Variants in SEMA3C observed in about 807,000 individuals in gnomAD.
SEMA3C encodes semaphorin 3C.
Under a neutral mutation model 89.4 loss-of-function variants are expected in SEMA3C, and 47 were observed. That is an observed-to-expected ratio of 0.53 (90% CI 0.42 to 0.67). The LOEUF (loss-of-function observed/expected upper bound fraction) is 0.67, where lower values mean the gene tolerates loss of function less well. Among genes scored for constraint, SEMA3C ranks in the 30% least tolerant of loss-of-function variants. SEMA3C has a pLI of 0.00. For synonymous variants in SEMA3C, 310 were observed against 320.2 expected (o/e 0.97, Z 0.34); for missense variants, 839 against 929.1 (o/e 0.90, Z 1.26).
intron 2 of SEMA3C, among the ~76,000 whole-genome samples, chr7:80,911,068 C>G (rs1439975443): frequency 6.6e-6 from 1 of 151,910 alleles, no homozygotes; most frequent in East Asian, 1.9e-4. Flanking sequence ...TCATCTTCAC[C>G]TTGATGAATC....
At chr7:80,822,768 T>C (rs961301436) in intron 4 of SEMA3C, among the ~76,000 whole-genome samples, 1 of 152,204 alleles carries the variant, frequency 6.6e-6, no homozygotes, top group African/African-American at 2.4e-5. Context: ...AATAAAGCAG[T>C]AGAAATCATA....
At chr7:80,908,386 G>T (rs149745923) in intron 2 of SEMA3C, among the ~76,000 whole-genome samples, 27 of 152,200 alleles carry the variant, frequency 1.8e-4, no homozygotes, top group Admixed American at 8.5e-4. Context: ...AAAGAGAAAA[G>T]GTCTTTTCTA....
intron 15 of SEMA3C, among the ~76,000 whole-genome samples, chr7:80,757,489 C>G: frequency 6.6e-6 from 1 of 152,166 alleles, no homozygotes; most frequent in East Asian, 1.9e-4. Context: ...CTCACCACTC[C>G]AAGGATAAAG....
In SEMA3C at chr7:80,786,438, C is replaced by T. The variant is rs1020686941; in HGVS notation, c.1354+2868G>A. On this transcript the variant is annotated intron_variant, in intron 12 of 17. Transcript: ENST00000265361. ...ACCAACTTGGCTGTGGCATCAAAGTCCACCTTTAAGACAGGCTTCACAAGA... is the reference window on the plus strand; with the variant it reads ...ACCAACTTGGCTGTGGCATCAAAGTTCACCTTTAAGACAGGCTTCACAAGA... 6.0e-5 allele frequency among the ~76,000 whole-genome samples: 9 copies of T among 149,868 alleles called. No individual in the cohort carries two copies. In the South Asian group the frequency reaches 6.3e-4, roughly 11 times the overall value.
At chr7:80,903,580 T>G (rs994615407) in intron 2 of SEMA3C, among the ~76,000 whole-genome samples, 3 of 152,154 alleles carry the variant, frequency 2.0e-5, no homozygotes, top group Admixed American at 1.3e-4. Context: ...GAGAATCACT[T>G]GAACCCAGGA....
At chr7:80,812,074 T>C (rs150999982) in intron 5 of SEMA3C, among the ~76,000 whole-genome samples, 34 of 152,352 alleles carry the variant, frequency 2.2e-4, no homozygotes, top group African/African-American at 8.2e-4. Flanking sequence ...ATATTTGTGA[T>C]AATCAATCAC....
chr7:80,839,196 C>T (rs1249880976), intron 2 of SEMA3C, among the ~76,000 whole-genome samples: 1 of 152,298 alleles, frequency 6.6e-6, no homozygotes, highest in Non-Finnish European at 1.5e-5. Flanking sequence ...AAGGACAACA[C>T]AGATGAGCTA....
In SEMA3C at chr7:80,763,470, C is replaced by A. The variant is rs141108736; in HGVS notation, c.1443+1685G>T. ...AAAACTCAGACTTTTTTTGGTGTCT[C>A]ATGGGCTGATGTCCCCCACGTGCAT... On this transcript the variant is annotated intron_variant, in intron 13 of 17. Coordinates refer to ENST00000265361, the MANE Select transcript of SEMA3C (RefSeq NM_006379.5). Among the ~76,000 whole-genome samples the A allele has an allele frequency of 3.3e-5, 5 of 152,244 alleles. No individual in the cohort carries two copies. The East Asian group carries it at 9.7e-4, about 29-fold the overall frequency.
At chr7:80,837,765 T>C (rs1790166953) in intron 2 of SEMA3C, among the ~76,000 whole-genome samples, 1 of 152,200 alleles carries the variant, frequency 6.6e-6, no homozygotes, top group Admixed American at 6.5e-5. Flanking sequence ...CTCGATCCTT[T>C]AGACAAAGTC....
intron 2 of SEMA3C, among the ~76,000 whole-genome samples, chr7:80,897,877 A>C (rs1791777560): frequency 6.6e-6 from 1 of 152,234 alleles, no homozygotes; most frequent in Admixed American, 6.5e-5. Context: ...ACATTGGAAT[A>C]AATACATAAT....
chr7:80,754,963 T>TG lies in SEMA3C; in HGVS notation c.1643+3367_1643+3368insC, dbSNP rs1554359497. 5.3e-4 allele frequency among the ~76,000 whole-genome samples: 69 copies of TG among 131,164 alleles called. 1 individual carries two copies. The East Asian group carries it at 0.014, about 27-fold the overall frequency. 86.0% of individuals were successfully genotyped at this position (131,164 alleles called of 152,430 possible). On this transcript the variant is annotated intron_variant, in intron 15 of 17. Transcript: ENST00000265361. ...TGGCGAATTGTTTTTTTTTGTTTTT[T>TG]TTTTTTTTGTATTTTTAGTAGAGAT...
intron 2 of SEMA3C, among the ~76,000 whole-genome samples, chr7:80,896,261 T>C (rs1791735302): frequency 6.6e-6 from 1 of 152,146 alleles, no homozygotes; most frequent in Non-Finnish European, 1.5e-5. Flanking sequence ...AAACTGAAAA[T>C]GCTTCAAACC....
intron 4 of SEMA3C, among the ~76,000 whole-genome samples, chr7:80,819,193 T>C (rs1007860575): frequency 2.0e-5 from 3 of 146,510 alleles, no homozygotes; most frequent in Non-Finnish European, 4.6e-5. Context: ...TGCTCCATTT[T>C]TTTATTGTTA....
Position 80,751,124 on chromosome 7 carries a change from T to C in SEMA3C, c.1711+145A>G, listed in dbSNP as rs377611499. On this transcript the variant is annotated intron_variant, in intron 16 of 17. Transcript: ENST00000265361. ...ATACAAAAAGCCTTTAAGTTTTAAT[T>C]ACCCTATATAAATACCCAGAATTGT... 164 of 597,686 alleles carry C rather than the reference T, an allele frequency of 2.7e-4. 1 individual carries two copies. Among genetic ancestry groups the C allele is most frequent in the African/African-American group, 2.4e-3 (128 of 53,944 alleles). 37.0% of individuals were successfully genotyped at this position (597,686 alleles called of 1,614,324 possible). A position where few individuals can be genotyped will look rare whatever the true frequency, so the allele number is the denominator to read the frequency against.
At chr7:80,747,877 C>T (rs191349201) in intron 17 of SEMA3C, among the ~76,000 whole-genome samples, 1 of 152,092 alleles carries the variant, frequency 6.6e-6, no homozygotes, top group African/African-American at 2.4e-5. Context: ...GAGGGACACA[C>T]AATTTCCTAA....
intron 2 of SEMA3C, among the ~76,000 whole-genome samples, chr7:80,903,583 AC>A (rs1408790633): frequency 2.0e-5 from 3 of 152,162 alleles, no homozygotes; most frequent in African/African-American, 7.2e-5. Flanking sequence ...AATCACTTGA[AC>A]CCAGGAGGCA....
intron 6 of SEMA3C, among the ~76,000 whole-genome samples, chr7:80,810,238 A>G (rs763427946): frequency 3.3e-5 from 5 of 152,120 alleles, no homozygotes; most frequent in Non-Finnish European, 7.4e-5. Flanking sequence ...AAAAACAAAT[A>G]AAAAATAATG....
intron 5 of SEMA3C, among the ~76,000 whole-genome samples, chr7:80,813,184 CT>C (rs1022556676): frequency 1.3e-5 from 2 of 152,128 alleles, no homozygotes; most frequent in East Asian, 1.9e-4. Flanking sequence ...GAATGTATGA[CT>C]TTTTTCATTG....
intron 2 of SEMA3C, among the ~76,000 whole-genome samples, chr7:80,884,025 T>C (rs1188897479): frequency 6.6e-6 from 1 of 152,210 alleles, no homozygotes; most frequent in Non-Finnish European, 1.5e-5. Flanking sequence ...AGAAATTCCA[T>C]TTTGGCAAAA....
Sources: allele counts gnomAD v4.1 joint callset (sites outside exome capture counted in the v4.1 genomes callset), GRCh38; gene constraint gnomAD v4.1.1; transcripts MANE v1.5; gene names NCBI Gene and HGNC (gene_info 2026-07-23, HGNC 2026-07-21).